The following RSPO1 variants were observed in gnomAD, a reference collection of about 807,000 sequenced individuals.
RSPO1 encodes the protein R-spondin 1, also known as R-spondin-1.
Under a neutral mutation model 26.0 loss-of-function variants are expected in RSPO1, and 18 were observed. That is an observed-to-expected ratio of 0.69 (90% CI 0.48 to 1.03). The LOEUF is 1.03. RSPO1 is among the 50% of genes least tolerant of loss of function. RSPO1 has a pLI of 0.00. For missense variants in RSPO1, 309 were observed against 352.3 expected (o/e 0.88, Z 0.98); for synonymous variants, 133 against 137.4 (o/e 0.97, Z 0.22).
Position 37,616,342 on chromosome 1 carries a change from G to T in RSPO1, c.286+142C>A, listed in dbSNP as rs1570099334. On this transcript the variant is annotated intron_variant, in intron 4 of 6. Coordinates refer to ENST00000356545, the MANE Select transcript of RSPO1 (RefSeq NM_001242908.2). The stretch of plus-strand genomic sequence containing the variant: ...TTACACACCAAGGTGGAAGTGTGCG[G>T]CTGGATACTTGAATCGGAGCCTCAT... 1.7e-5 allele frequency: 12 copies of T among 717,514 alleles called. No homozygotes were observed. In the East Asian group the frequency reaches 2.7e-4, roughly 16 times the overall value. The allele number at this position is 717,514 out of a possible 1,614,324, so 44.4% of individuals were successfully genotyped here.
rs546859528 is a variant in RSPO1, at chr1:37,612,731, G to T, written c.*24C>A. The T allele has an allele frequency of 1.2e-6, 2 of 1,606,596 alleles. No individual in the cohort carries two copies. Among genetic ancestry groups the T allele is most frequent in the Middle Eastern group, 1.7e-4 (1 of 6,060 alleles). On this transcript the variant is annotated 3_prime_UTR_variant, in exon 7 of 7. Coordinates refer to ENST00000356545, the MANE Select transcript of RSPO1 (RefSeq NM_001242908.2). ...GAGTAGCACTGAACTCTTTCTGCAT[G>T]GGCCTGGAGGCTGGACAGTGTCCCT...
rs1420219005 is a variant in RSPO1, at chr1:37,629,672, C to A, written c.-11G>T. 2 of 1,613,920 alleles carry A rather than the reference C, an allele frequency of 1.2e-6. No homozygotes were observed. Among genetic ancestry groups the A allele is most frequent in the Middle Eastern group, 1.6e-4 (1 of 6,084 alleles). ...CAGCCCAAGCCGCATAGTCACGCGC[C>A]AGCTCCAGGCCCCTGGTCGGAGGGG... On this transcript the variant is annotated 5_prime_UTR_variant, in exon 3 of 7. Coordinates refer to ENST00000356545, the MANE Select transcript of RSPO1 (RefSeq NM_001242908.2).
At chr1:37,629,273 G>A (rs1374163851) in intron 3 of RSPO1, among the ~76,000 whole-genome samples, 3 of 152,142 alleles carry the variant, frequency 2.0e-5, no homozygotes, top group East Asian at 3.8e-4. Flanking sequence ...ATCCACAAAG[G>A]CATAATCCAC....
At position 37,616,578 on chromosome 1, in the gene RSPO1, C is replaced by A. The variant is rs1437220011; in HGVS notation, c.192G>T (p.Leu64=). ...CCACCTGGCGGATGTCGTTCCTCTC[C>A]AGCAGGATGAACAGCTTGGGTGAGC... ...LKCSPKLFIL[L]ERNDIRQVGV... Residue 64 remains leucine (L), a synonymous_variant, in exon 4 of 7, where the codon CTG becomes CTT. Transcript: ENST00000356545. 6.2e-7 allele frequency: 1 copy of A among 1,614,082 alleles called. No homozygotes were observed. The highest frequency in any genetic ancestry group is 8.5e-7 in the Non-Finnish European group (1 of 1,180,034).
At position 37,616,638 on chromosome 1, in the gene RSPO1, A is replaced by C; in HGVS notation, c.132T>G (p.Cys44Trp). Residue 44 changes from cysteine (C) to tryptophan (W), a missense_variant, in exon 4 of 7, where the codon TGT becomes TGG. By Grantham distance (215) the Cys-to-Trp change is radical. Coordinates refer to ENST00000356545, the MANE Select transcript of RSPO1 (RefSeq NM_001242908.2). Reference protein sequence around the residue: ...AEGSQACAKGCELCSEVNGCL... With the variant: ...AEGSQACAKGWELCSEVNGCL... Reference sequence around the variant, plus strand: ...AGCCGTTGACTTCAGAGCAGAGCTCACAGCCTTTGGCACAGGCCTGGCTCC... The same window carrying C: ...AGCCGTTGACTTCAGAGCAGAGCTCCCAGCCTTTGGCACAGGCCTGGCTCC... The C allele has an allele frequency of 6.2e-7, 1 of 1,614,158 alleles. No individual in the cohort carries two copies. Among genetic ancestry groups the C allele is most frequent in the South Asian group, 1.1e-5 (1 of 91,090 alleles).
chr1:37,633,753 C>T (rs1644396286), intron 1 of RSPO1, among the ~76,000 whole-genome samples: 1 of 152,136 alleles, frequency 6.6e-6, no homozygotes, highest in Admixed American at 6.5e-5. Flanking sequence ...CGTGCCCCCC[C>T]TCCAAAAGCA....
At position 37,629,961 on chromosome 1, in the gene RSPO1, G is replaced by T; in HGVS notation, c.-288-12C>A. ...CTCCAAAAACCAACCTGTCAGGGAA[G>T]GAGAAAGAAGGGTTAATTCTGTAGT... On this transcript the variant is annotated splice_polypyrimidine_tract_variant and intron_variant, in intron 2 of 6. Coordinates refer to ENST00000356545, the MANE Select transcript of RSPO1 (RefSeq NM_001242908.2). 8.7e-7 allele frequency: 1 copy of T among 1,146,418 alleles called. No homozygotes were observed. The highest frequency in any genetic ancestry group is 1.5e-5 in the African/African-American group (1 of 65,380). 71.0% of individuals were successfully genotyped at this position (1,146,418 alleles called of 1,614,324 possible). A position where few individuals can be genotyped will look rare whatever the true frequency, so the allele number is the denominator to read the frequency against.
At chr1:37,624,427 T>C (rs1214575220) in intron 3 of RSPO1, among the ~76,000 whole-genome samples, 2 of 151,986 alleles carry the variant, frequency 1.3e-5, no homozygotes, top group Non-Finnish European at 2.9e-5. Flanking sequence ...CCTTCCTGAC[T>C]TCTTCAGCAC....
intron 3 of RSPO1, among the ~76,000 whole-genome samples, chr1:37,619,502 C>T (rs1393800406): frequency 1.3e-5 from 2 of 152,208 alleles, no homozygotes; most frequent in Non-Finnish European, 2.9e-5. Flanking sequence ...GGAATCATTC[C>T]TGGTTTCAGA....
intron 3 of RSPO1, 52 bp from the exon 4 acceptor site, chr1:37,616,727 A>T (rs945234003): frequency 6.7e-7 from 1 of 1,487,070 alleles, no homozygotes; most frequent in African/African-American, 1.4e-5. Flanking sequence ...AACCTCACCT[A>T]TCCAGATTCT....
Position 37,612,499 on chromosome 1 carries a change from G to GAT in RSPO1, c.*255_*256insAT. On this transcript the variant is annotated 3_prime_UTR_variant, in exon 7 of 7. Transcript: ENST00000356545. ...ATGGAAGTGTCTTCTGGTGGCCTCA[G>GAT]GTGTGTGTGTGTGTGTGTGTGTATG... 1 of 509,374 alleles carries GAT rather than the reference G, an allele frequency of 2.0e-6. No individual in the cohort carries two copies. The highest frequency in any genetic ancestry group is 3.6e-6 in the Non-Finnish European group (1 of 281,286). 31.6% of individuals were successfully genotyped at this position (509,374 alleles called of 1,614,324 possible). A position where few individuals can be genotyped will look rare whatever the true frequency, so the allele number is the denominator to read the frequency against.
At position 37,629,707 on chromosome 1, in the gene RSPO1, G is replaced by A. The variant is rs755274353; in HGVS notation, c.-46C>T. ...CCCCTGGTCGGAGGGGTGGTCTCGGGGAGGGTGGATAGCACACGGCTCTTG... is the reference window on the plus strand; with the variant it reads ...CCCCTGGTCGGAGGGGTGGTCTCGGAGAGGGTGGATAGCACACGGCTCTTG... On this transcript the variant is annotated 5_prime_UTR_variant, in exon 3 of 7. Coordinates refer to ENST00000356545, the MANE Select transcript of RSPO1 (RefSeq NM_001242908.2). 8.7e-6 allele frequency: 14 copies of A among 1,610,072 alleles called. No individual in the cohort carries two copies. The highest frequency in any genetic ancestry group is 3.3e-5 in the South Asian group (3 of 90,412).
chr1:37,617,661 C>CAAAAAAAAAAAAAAAAAA (rs34856591), intron 3 of RSPO1, among the ~76,000 whole-genome samples: 5 of 36,376 alleles, frequency 1.4e-4, no homozygotes, highest in African/African-American at 5.8e-4. Context: ...GACTCCATCT[C>CAAAAAAAAAAAAAAAAAA]AAAAAAAAAA....
Position 37,613,712 on chromosome 1 carries a change from C to G in RSPO1, c.617G>C (p.Cys206Ser), listed in dbSNP as rs1207270008. ...CAGAGGCTGCAGCTCACCCTCAGGA[C>G]ACGGCACTCTCCTCACTGTGCACCT... ...TRRCTVRRVP[C>S]PEGQKRRKGG... The change falls in exon 6 of 7, where the codon TGT becomes TCT. Residue 206 changes from cysteine to serine, a missense_variant. By Grantham distance (112) the Cys-to-Ser change is moderately radical (BLOSUM62 -1). Transcript: ENST00000356545. The surrounding 1 kb of genome is among the most constrained non-coding windows in gnomAD (Gnocchi z 4.5). 6.2e-7 allele frequency: 1 copy of G among 1,613,218 alleles called. No individual in the cohort carries two copies.
chr1:37,633,221 C>A (rs1462083187), intron 1 of RSPO1, among the ~76,000 whole-genome samples: 1 of 152,262 alleles, frequency 6.6e-6, no homozygotes, highest in Non-Finnish European at 1.5e-5. Flanking sequence ...CAGTTAGGGA[C>A]CTGCCCTCAG....
intron 2 of RSPO1, among the ~76,000 whole-genome samples, chr1:37,631,083 C>G (rs1409659809): frequency 6.6e-6 from 1 of 152,076 alleles, no homozygotes; most frequent in African/African-American, 2.4e-5. Context: ...GCCCCTCCCA[C>G]CCCCTGTCCT....
intron 4 of RSPO1, among the ~76,000 whole-genome samples, chr1:37,614,983 G>T (rs1416538966): frequency 6.6e-6 from 1 of 152,162 alleles, no homozygotes; most frequent in East Asian, 1.9e-4. Context: ...TCCTCTGGGG[G>T]AATGGGGGCA....
rs1644041217 is a variant in RSPO1 at position 37,612,626 on chromosome 1, CTA to C, written c.*127_*128del. On this transcript the variant is annotated 3_prime_UTR_variant, in exon 7 of 7. Transcript: ENST00000356545. ...GGGTTTGAGCGTGTGTGTCTTGTGT[CTA>C]TGTATGCATGGATGGATTGGAGTGT... The C allele has an allele frequency of 4.2e-6, 4 of 954,830 alleles. No individual in the cohort carries two copies. Among genetic ancestry groups the C allele is most frequent in the Non-Finnish European group, 6.7e-6 (4 of 601,488 alleles). 59.1% of individuals were successfully genotyped at this position (954,830 alleles called of 1,614,324 possible). A position where few individuals can be genotyped will look rare whatever the true frequency, so the allele number is the denominator to read the frequency against.
chr1:37,621,418 G>C (rs1048609933), intron 3 of RSPO1, among the ~76,000 whole-genome samples: 2 of 152,168 alleles, frequency 1.3e-5, no homozygotes, highest in African/African-American at 4.8e-5. Flanking sequence ...TAGAACTCCA[G>C]TCCAGGAGAG....
Sources: gnomAD v4.1 joint callset for allele counts (sites outside exome capture counted in the v4.1 genomes callset) on GRCh38, gnomAD v4.1.1 for gene constraint, Gnocchi (gnomAD v3.1) non-coding constraint, MANE v1.5 for transcripts, NCBI Gene and HGNC (gene_info 2026-07-23, HGNC 2026-07-21) for gene names.